COL11A1: variants seen among roughly 807,000 people sequenced by gnomAD.
COL11A1 encodes collagen alpha-1(XI) chain.
A neutral mutation model predicts 265.2 loss-of-function variants in COL11A1; 74 were observed. The observed-to-expected ratio is 0.28, with a 90% CI of 0.23 to 0.34. COL11A1 has a LOEUF of 0.34. Ranked by LOEUF, COL11A1 falls within the 10% of genes least tolerant of loss-of-function variation. The pLI, the probability that COL11A1 is intolerant of heterozygous loss-of-function variation, is 1.00. For synonymous variants in COL11A1, 816 were observed against 727.6 expected, an observed-to-expected ratio of 1.12 and a Z score of -1.96; for missense variants, 2,165 against 2,263.6, an observed-to-expected ratio of 0.96 and a Z score of 0.88.
At position 103,026,069 on chromosome 1, in the gene COL11A1, C is replaced by T. The variant is rs547122956; in HGVS notation, c.897+147G>A. ...AAATGGACATCATTCTTCAAAACGG[C>T]TACTGTCAAATAAAAATCACAGTTA... On this transcript the variant is annotated intron_variant, in intron 6 of 66. Coordinates refer to ENST00000370096, the MANE Select transcript of COL11A1 (RefSeq NM_001854.4). The T allele has an allele frequency of 1.4e-4, 166 of 1,228,868 alleles. 1 individual carries two copies. Among genetic ancestry groups the T allele is most frequent in the Non-Finnish European group, 1.7e-4 (144 of 830,402 alleles). The allele number at this position is 1,228,868 out of a possible 1,614,324, so 76.1% of individuals were successfully genotyped here. A position where few individuals can be genotyped will look rare whatever the true frequency, so the allele number is the denominator to read the frequency against.
At chr1:102,888,333 C>A (rs973317387) in intron 62 of COL11A1, among the ~76,000 whole-genome samples, 4 of 151,958 alleles carry the variant, frequency 2.6e-5, no homozygotes, top group Non-Finnish European at 4.4e-5. Context: ...GTATATGATT[C>A]TCTTGAAAAA....
intron 37 of COL11A1, among the ~76,000 whole-genome samples, chr1:102,966,510 G>C (rs966793008): frequency 6.6e-6 from 1 of 152,134 alleles, no homozygotes; most frequent in African/African-American, 2.4e-5. Context: ...TACAGGGAAA[G>C]AAAATAGAGT....
chr1:102,928,965 G>A (rs1256263253), intron 46 of COL11A1, among the ~76,000 whole-genome samples: 1 of 82,162 alleles, frequency 1.2e-5, no homozygotes, highest in African/African-American at 3.1e-5. Context: ...AAATTTGTTT[G>A]AGTTCATTGT....
intron 4 of COL11A1, among the ~76,000 whole-genome samples, chr1:103,057,912 C>G (rs1469706179): frequency 6.6e-6 from 1 of 152,154 alleles, no homozygotes; most frequent in Non-Finnish European, 1.5e-5. Flanking sequence ...TAAGTGAGCA[C>G]TGGCTTCAAC....
chr1:103,060,666 A>G (rs1463709731), intron 4 of COL11A1, among the ~76,000 whole-genome samples: 4 of 152,162 alleles, frequency 2.6e-5, no homozygotes, highest in Non-Finnish European at 4.4e-5. Flanking sequence ...GTGTAAGTTC[A>G]TATTTAAAAA....
intron 12 of COL11A1, 83 bp downstream of exon 12, chr1:103,015,585 C>A (rs1666496801): frequency 2.9e-6 from 3 of 1,023,426 alleles, no homozygotes; most frequent in Non-Finnish European, 2.9e-6. Context: ...TAGTTGATTG[C>A]TCTTCAATAT....
At chr1:103,088,470 T>C (rs1165079885) in intron 1 of COL11A1, among the ~76,000 whole-genome samples, 1 of 152,178 alleles carries the variant, frequency 6.6e-6, no homozygotes, top group African/African-American at 2.4e-5. Flanking sequence ...ATATGGTACA[T>C]GATGTAAGAA....
chr1:103,041,952 G>A (rs992247850), intron 4 of COL11A1, among the ~76,000 whole-genome samples: 14 of 151,944 alleles, frequency 9.2e-5, no homozygotes, highest in Middle Eastern at 3.2e-3. Context: ...TTTAGGAAAA[G>A]CTATATTTTG....
Position 102,888,907 on chromosome 1 carries a change from G to C in COL11A1, c.4477C>G (p.Pro1493Ala), listed in dbSNP as rs774846193. The change falls in exon 60 of 67, where the codon CCT (proline) becomes GCT (alanine). Residue 1493 changes from proline (P) to alanine (A), a missense_variant. Physicochemically the swap from Pro to Ala is conservative, Grantham distance 27. Coordinates refer to ENST00000370096, the MANE Select transcript of COL11A1 (RefSeq NM_001854.4). ...CCAGGTGGACCTAAGGGACCAGCAGGACCAGGAATTCCCTAGAGAGAGAAT... is the reference window on the plus strand; with the variant it reads ...CCAGGTGGACCTAAGGGACCAGCAGCACCAGGAATTCCCTAGAGAGAGAAT... ...GAKGDGGIPG[P>A]AGPLGPPGPP... 6.2e-7 allele frequency: 1 copy of C among 1,612,190 alleles called. No homozygotes were observed. The highest frequency in any genetic ancestry group is 8.5e-7 in the Non-Finnish European group (1 of 1,178,208).
At position 102,886,873 on chromosome 1, in the gene COL11A1, C is replaced by T. The variant is rs757388014; in HGVS notation, c.4792G>A (p.Gly1598Ser). Residue 1598 changes from glycine to serine, a missense_variant, in exon 63 of 67, where the codon GGT (glycine) becomes AGT (serine). Transcript: ENST00000370096. ...GTTCGGGCTGGATTGGTCTGAGTACCCATTGGAAATTTCATATGCTCAATG... is the reference window on the plus strand; with the variant it reads ...GTTCGGGCTGGATTGGTCTGAGTACTCATTGGAAATTTCATATGCTCAATG... Reference protein sequence around the residue: ...QDIEHMKFPMGTQTNPARTCK... With the variant: ...QDIEHMKFPMSTQTNPARTCK... The T allele has an allele frequency of 1.6e-5, 26 of 1,613,660 alleles. No individual in the cohort carries two copies. The highest frequency in any genetic ancestry group is 2.2e-5 in the East Asian group (1 of 44,864).
intron 6 of COL11A1, chr1:103,025,844 T>C: frequency 6.2e-7 from 1 of 1,613,684 alleles, no homozygotes; most frequent in Non-Finnish European, 8.5e-7. Context: ...TAACTTTTCT[T>C]CTTCTTGGAT....
In COL11A1 at chr1:102,979,122, A is replaced by G. The variant is rs1348205712; in HGVS notation, c.2611-18T>C. 6.2e-7 allele frequency: 1 copy of G among 1,613,280 alleles called. No homozygotes were observed. The highest frequency in any genetic ancestry group is 1.3e-5 in the African/African-American group (1 of 75,050). On this transcript the variant is annotated intron_variant, in intron 32 of 66. Coordinates refer to ENST00000370096, the MANE Select transcript of COL11A1 (RefSeq NM_001854.4). ...GCTACTCCCTAGCAAAGACAGTTCAATTTCAATATGCAGTATATCACAGTA... is the reference window on the plus strand; with the variant it reads ...GCTACTCCCTAGCAAAGACAGTTCAGTTTCAATATGCAGTATATCACAGTA...
At chr1:102,970,772 T>C (rs1474577042) in intron 36 of COL11A1, among the ~76,000 whole-genome samples, 1 of 151,824 alleles carries the variant, frequency 6.6e-6, no homozygotes, top group Non-Finnish European at 1.5e-5. Flanking sequence ...TCCCAGCACT[T>C]TGGGAGGTCG....
chr1:103,050,311 T>C (rs1385474779), intron 4 of COL11A1, among the ~76,000 whole-genome samples: 1 of 152,180 alleles, frequency 6.6e-6, no homozygotes, highest in Non-Finnish European at 1.5e-5. Context: ...TTTTTATTCT[T>C]TTTTCTCTAA....
intron 48 of COL11A1, among the ~76,000 whole-genome samples, chr1:102,921,259 T>C (rs995491408): frequency 2.0e-5 from 3 of 152,182 alleles, no homozygotes; most frequent in African/African-American, 7.2e-5. Flanking sequence ...TACACAACAT[T>C]ATAACATTTC....
At chr1:102,953,769 TAAAAG>T (rs1660113127) in intron 41 of COL11A1, among the ~76,000 whole-genome samples, 1 of 152,144 alleles carries the variant, frequency 6.6e-6, no homozygotes, top group South Asian at 2.1e-4. Flanking sequence ...AATACCCTGT[TAAAAG>T]AAGGGTAGGG....
chr1:102,900,749 T>C (rs1055660064), intron 54 of COL11A1, among the ~76,000 whole-genome samples: 1 of 152,080 alleles, frequency 6.6e-6, no homozygotes, highest in African/African-American at 2.4e-5. Flanking sequence ...AGCAACTAAG[T>C]TGTGATTAAA....
At chr1:102,902,306 G>A (rs1653312404) in intron 54 of COL11A1, among the ~76,000 whole-genome samples, 1 of 152,162 alleles carries the variant, frequency 6.6e-6, no homozygotes, top group South Asian at 2.1e-4. Context: ...AAAGAGAATT[G>A]GAGAAAGGCA....
chr1:103,008,610 C>T, intron 14 of COL11A1, 94 bp from the exon 15 acceptor site: 1 of 1,062,786 alleles, frequency 9.4e-7, no homozygotes, highest in Non-Finnish European at 1.5e-6. Flanking sequence ...AAACATTATT[C>T]AAAATATATT....
Sources: allele counts gnomAD v4.1 joint callset (sites outside exome capture counted in the v4.1 genomes callset), GRCh38; gene constraint gnomAD v4.1.1; transcripts MANE v1.5; gene names NCBI Gene and HGNC (gene_info 2026-07-23, HGNC 2026-07-21).